HSPBAP1: variants seen among roughly 807,000 people sequenced by gnomAD.
HSPBAP1 encodes the protein HSPB1 associated protein 1.
HSPBAP1 carries 27 observed loss-of-function variants against 45.2 expected under a neutral mutation model. The ratio of observed to expected loss-of-function variants is 0.60; its 90% CI spans 0.44 to 0.82. The LOEUF is 0.82. Among genes scored for constraint, HSPBAP1 ranks in the 40% least tolerant of loss-of-function variants. The pLI, the probability that HSPBAP1 is intolerant of heterozygous loss-of-function variation, is 0.00. For missense variants in HSPBAP1, 510 were observed against 590.9 expected, an observed-to-expected ratio of 0.86 and a Z score of 1.42; for synonymous variants, 204 against 202.7, an observed-to-expected ratio of 1.01 and a Z score of -0.06.
intron 6 of HSPBAP1, among the ~76,000 whole-genome samples, chr3:122,743,334 C>A (rs1382880838): frequency 6.6e-6 from 1 of 152,116 alleles, no homozygotes; most frequent in Non-Finnish European, 1.5e-5. Flanking sequence ...TTTTGGGAGG[C>A]CAAGGCGGGT....
chr3:122,747,906 C>T (rs1398563900), intron 6 of HSPBAP1, among the ~76,000 whole-genome samples: 2 of 152,302 alleles, frequency 1.3e-5, no homozygotes, highest in Middle Eastern at 3.4e-3. Context: ...TGAGAACGGG[C>T]CATGATGACA....
In HSPBAP1 at chr3:122,765,629, T is replaced by G. The variant is rs149367904; in HGVS notation, c.432+3072A>C. ...AAAAAAAAAAAGAAATACATGAGCCTGAAAGCTTCCTAACACTATTTTTCT... is the reference window on the plus strand; with the variant it reads ...AAAAAAAAAAAGAAATACATGAGCCGGAAAGCTTCCTAACACTATTTTTCT... On this transcript the variant is annotated intron_variant, in intron 3 of 7. Coordinates refer to ENST00000306103, the MANE Select transcript of HSPBAP1 (RefSeq NM_024610.6). Among the ~76,000 whole-genome samples the G allele has an allele frequency of 4.0e-5, 6 of 150,906 alleles. No individual in the cohort carries two copies. In the East Asian group the frequency reaches 1.2e-3, roughly 29 times the overall value.
At chr3:122,748,599 G>T (rs1464586499) in intron 6 of HSPBAP1, among the ~76,000 whole-genome samples, 1 of 152,194 alleles carries the variant, frequency 6.6e-6, no homozygotes, top group East Asian at 1.9e-4. Context: ...TTTTGTTGGT[G>T]AGGCTGTGGA....
intron 3 of HSPBAP1, among the ~76,000 whole-genome samples, chr3:122,767,456 G>A (rs1934826883): frequency 6.6e-6 from 1 of 152,128 alleles, no homozygotes; most frequent in Non-Finnish European, 1.5e-5. Flanking sequence ...GGTGATGGCT[G>A]TGGCAGGAGA....
At chr3:122,772,009 A>T (rs570638780) in intron 2 of HSPBAP1, among the ~76,000 whole-genome samples, 2 of 152,334 alleles carry the variant, frequency 1.3e-5, no homozygotes, top group African/African-American at 4.8e-5. Context: ...ACACACAGAA[A>T]CAACTGGCTT....
At chr3:122,778,597 T>G (rs1341736051) in intron 1 of HSPBAP1, among the ~76,000 whole-genome samples, 1 of 151,518 alleles carries the variant, frequency 6.6e-6, no homozygotes, top group Non-Finnish European at 1.5e-5. Flanking sequence ...TGATGCGATC[T>G]CGGCTCACTG....
intron 4 of HSPBAP1, among the ~76,000 whole-genome samples, chr3:122,755,976 A>G (rs1351492519): frequency 1.3e-5 from 2 of 152,214 alleles, no homozygotes; most frequent in Non-Finnish European, 2.9e-5. Flanking sequence ...ATAAAGCAGT[A>G]TAATATAGGA....
At chr3:122,780,166 G>A (rs1935369204) in intron 1 of HSPBAP1, among the ~76,000 whole-genome samples, 1 of 105,028 alleles carries the variant, frequency 9.5e-6, no homozygotes, top group African/African-American at 3.3e-5. Flanking sequence ...CCTGGACGGG[G>A]CGGCTGGCCG....
At chr3:122,783,990 C>T (rs982788887) in intron 1 of HSPBAP1, among the ~76,000 whole-genome samples, 3 of 152,112 alleles carry the variant, frequency 2.0e-5, no homozygotes, top group African/African-American at 7.2e-5. Context: ...ACCACCATGC[C>T]CAGCTAATTT....
chr3:122,775,435 T>C (rs191200488), intron 2 of HSPBAP1, among the ~76,000 whole-genome samples: 1 of 152,302 alleles, frequency 6.6e-6, no homozygotes, highest in Non-Finnish European at 1.5e-5. Context: ...ATCAAAACTA[T>C]AATAATACTT....
intron 1 of HSPBAP1, among the ~76,000 whole-genome samples, chr3:122,780,856 A>G (rs1935431883): frequency 1.6e-5 from 2 of 125,184 alleles, no homozygotes; most frequent in Non-Finnish European, 3.5e-5. Context: ...CCGGGCAGAG[A>G]CGCTCCTCAC....
chr3:122,782,886 C>T (rs977286241), intron 1 of HSPBAP1, among the ~76,000 whole-genome samples: 1 of 152,160 alleles, frequency 6.6e-6, no homozygotes, highest in Non-Finnish European at 1.5e-5. Flanking sequence ...TTTAAAGAAA[C>T]TGAAAACTTA....
At chr3:122,753,126 G>A (rs1934218549) in intron 5 of HSPBAP1, 3 of 407,072 alleles carry the variant, frequency 7.4e-6, no homozygotes, top group Non-Finnish European at 9.9e-6. Flanking sequence ...TAAATCAGGG[G>A]ACAATGGTGT....
chr3:122,759,735 C>T (rs916602819), intron 3 of HSPBAP1, among the ~76,000 whole-genome samples: 4 of 152,146 alleles, frequency 2.6e-5, no homozygotes, highest in Non-Finnish European at 4.4e-5. Flanking sequence ...TTAGGGAAAG[C>T]GTGTTTTGGG....
intron 6 of HSPBAP1, among the ~76,000 whole-genome samples, chr3:122,750,308 G>A (rs1934083587): frequency 6.6e-6 from 1 of 152,048 alleles, no homozygotes; most frequent in Non-Finnish European, 1.5e-5. Context: ...GATTTTCAGT[G>A]TTAAGAGAAG....
At chr3:122,751,919 C>T (rs1434818253) in intron 6 of HSPBAP1, among the ~76,000 whole-genome samples, 1 of 152,164 alleles carries the variant, frequency 6.6e-6, no homozygotes, top group African/African-American at 2.4e-5. Flanking sequence ...GGCTGTCAAA[C>T]AGAGCAGAAA....
chr3:122,770,032 C>T (rs1473653237), intron 2 of HSPBAP1, among the ~76,000 whole-genome samples: 2 of 152,194 alleles, frequency 1.3e-5, no homozygotes, highest in Admixed American at 6.5e-5. Context: ...TTACTTGGAA[C>T]CCTTTAAAAG....
rs1224714176 is a variant in HSPBAP1 at position 122,747,630 on chromosome 3, TG to T, written c.825+4960del. On this transcript the variant is annotated intron_variant, in intron 6 of 7. Coordinates refer to ENST00000306103, the MANE Select transcript of HSPBAP1 (RefSeq NM_024610.6). ...CCAGCCGCCCCATCTGGGAGGGAGG[TG>T]GGGGGGTCAGCCCCCCGCCCGGCCA... Among the ~76,000 whole-genome samples the T allele has an allele frequency of 2.6e-5, 3 of 113,772 alleles. No homozygotes were observed. The Admixed American group carries it at 2.7e-4, about 10-fold the overall frequency. The allele number at this position is 113,772 out of a possible 152,430, so 74.6% of individuals were successfully genotyped here. A position where few individuals can be genotyped will look rare whatever the true frequency, so the allele number is the denominator to read the frequency against.
intron 3 of HSPBAP1, among the ~76,000 whole-genome samples, chr3:122,764,198 C>T (rs1934694857): frequency 6.6e-6 from 1 of 152,216 alleles, no homozygotes; most frequent in Non-Finnish European, 1.5e-5. Flanking sequence ...CTGCAAACTG[C>T]TAACATAGTG....
Sources: gnomAD v4.1 joint callset for allele counts (sites outside exome capture counted in the v4.1 genomes callset) on GRCh38, gnomAD v4.1.1 for gene constraint, MANE v1.5 for transcripts, NCBI Gene and HGNC (gene_info 2026-07-23, HGNC 2026-07-21) for gene names.